Variants in PEX5L observed in about 807,000 individuals in gnomAD.
The protein encoded by PEX5L is PEX5-related protein.
In PEX5L, 30 loss-of-function variants were observed where a neutral mutation model predicts 84.0. The ratio of observed to expected loss-of-function variants is 0.36; its 90% CI spans 0.27 to 0.48. The LOEUF (loss-of-function observed/expected upper bound fraction) is 0.48, where lower values mean the gene tolerates loss of function less well. PEX5L is among the 20% of genes least tolerant of loss of function. PEX5L has a pLI of 0.99. For synonymous variants in PEX5L, 270 were observed against 283.1 expected (o/e 0.95, Z 0.46); for missense variants, 533 against 754.6 (o/e 0.71, Z 3.44).
intron 8 of PEX5L, among the ~76,000 whole-genome samples, chr3:179,828,814 G>A (rs1371648149): frequency 6.6e-6 from 1 of 152,098 alleles, no homozygotes; most frequent in Non-Finnish European, 1.5e-5. Context: ...AGGAATAAGA[G>A]TCTATGACAT....
intron 8 of PEX5L, among the ~76,000 whole-genome samples, chr3:179,849,008 G>T (rs374386260): frequency 1.3e-4 from 20 of 152,204 alleles, no homozygotes; most frequent in African/African-American, 4.6e-4. Context: ...AGGAACAGGG[G>T]ACCCTGGATA....
chr3:180,024,453 G>A (rs1579391982), intron 1 of PEX5L, among the ~76,000 whole-genome samples: 2 of 147,940 alleles, frequency 1.4e-5, no homozygotes, highest in South Asian at 2.2e-4. Context: ...GCTGAGGCAG[G>A]AGAATGGCGT....
chr3:179,852,681 GA>G (rs1354524884), intron 8 of PEX5L, among the ~76,000 whole-genome samples: 1 of 152,146 alleles, frequency 6.6e-6, no homozygotes, highest in Non-Finnish European at 1.5e-5. Context: ...TCTGATGACT[GA>G]ACTGTACTCT....
At chr3:179,833,744 G>C (rs1733959687) in intron 8 of PEX5L, among the ~76,000 whole-genome samples, 1 of 152,156 alleles carries the variant, frequency 6.6e-6, no homozygotes, top group South Asian at 2.1e-4. Context: ...TGAAGCAATA[G>C]GTGCCTGACT....
At chr3:179,965,222 G>T (rs1313061436) in intron 2 of PEX5L, among the ~76,000 whole-genome samples, 5 of 152,230 alleles carry the variant, frequency 3.3e-5, no homozygotes, top group African/African-American at 1.2e-4. Context: ...AAAATGTCAT[G>T]ATACCACAAC....
At chr3:179,980,658 G>A (rs1295370906) in intron 1 of PEX5L, among the ~76,000 whole-genome samples, 2 of 152,084 alleles carry the variant, frequency 1.3e-5, no homozygotes, top group Non-Finnish European at 2.9e-5. Flanking sequence ...ATACTCTTCT[G>A]AGCTACAAGA....
chr3:179,808,800 G>A (rs893507849), intron 12 of PEX5L, among the ~76,000 whole-genome samples: 4 of 152,010 alleles, frequency 2.6e-5, no homozygotes, highest in Non-Finnish European at 5.9e-5. Context: ...TTTCTAGGCC[G>A]GGCGTGGTGG....
At chr3:180,010,503 T>C (rs886207428) in intron 1 of PEX5L, among the ~76,000 whole-genome samples, 4 of 152,190 alleles carry the variant, frequency 2.6e-5, no homozygotes, top group African/African-American at 9.6e-5. Context: ...GTGCTGAGGT[T>C]GAGAAACCCT....
chr3:179,950,477 C>T (rs971697842), intron 2 of PEX5L, among the ~76,000 whole-genome samples: 2 of 151,930 alleles, frequency 1.3e-5, no homozygotes, highest in Non-Finnish European at 2.9e-5. Flanking sequence ...CAAACCTGCA[C>T]ATTGTGCACA....
chr3:179,954,213 GGGA>G, intron 2 of PEX5L, among the ~76,000 whole-genome samples: 1 of 103,746 alleles, frequency 9.6e-6, no homozygotes. Context: ...TCGGGGGGGG[GGGA>G]AAAAGTCAGC....
chr3:180,036,514 G>T, intron 1 of PEX5L, 65 bp downstream of exon 1: 3 of 1,487,578 alleles, frequency 2.0e-6, no homozygotes, highest in Non-Finnish European at 2.8e-6. Flanking sequence ...ACAGAAACTT[G>T]GTGAACCGCC....
chr3:179,939,472 AAG>A (rs1410174063), intron 2 of PEX5L, among the ~76,000 whole-genome samples: 1 of 152,204 alleles, frequency 6.6e-6, no homozygotes, highest in Non-Finnish European at 1.5e-5. Flanking sequence ...GAGGGTTCAG[AAG>A]AGAGGAAATA....
At chr3:179,939,038 A>G (rs1343347346) in intron 2 of PEX5L, among the ~76,000 whole-genome samples, 11 of 152,212 alleles carry the variant, frequency 7.2e-5, no homozygotes, top group Admixed American at 5.2e-4. Flanking sequence ...GGGCTGGGAA[A>G]AGACTGCATC....
At chr3:180,006,738 A>G (rs1254835725) in intron 1 of PEX5L, among the ~76,000 whole-genome samples, 3 of 152,238 alleles carry the variant, frequency 2.0e-5, no homozygotes, top group Non-Finnish European at 4.4e-5. Context: ...AGGAAGAAGC[A>G]AAAGCGGAAA....
intron 5 of PEX5L, among the ~76,000 whole-genome samples, chr3:179,876,150 G>T (rs1315012547): frequency 6.6e-6 from 1 of 152,120 alleles, no homozygotes; most frequent in Non-Finnish European, 1.5e-5. Flanking sequence ...ACAGGTGTGT[G>T]GCTGTGAATA....
chr3:179,886,794 T>C (rs564048387), intron 4 of PEX5L, among the ~76,000 whole-genome samples: 1 of 152,306 alleles, frequency 6.6e-6, no homozygotes, highest in Non-Finnish European at 1.5e-5. Context: ...ATAATGAAAA[T>C]ATGCAAGCCA....
intron 10 of PEX5L, among the ~76,000 whole-genome samples, chr3:179,812,590 T>C (rs920632322): frequency 1.3e-5 from 2 of 149,834 alleles, no homozygotes; most frequent in African/African-American, 5.1e-5. Context: ...TTGGTTGCAA[T>C]TGTTTGCTAT....
At chr3:180,009,018 G>A (rs1401442666) in intron 1 of PEX5L, among the ~76,000 whole-genome samples, 2 of 152,176 alleles carry the variant, frequency 1.3e-5, no homozygotes, top group Non-Finnish European at 2.9e-5. Flanking sequence ...TATAAACATA[G>A]TGTTGATGAA....
intron 9 of PEX5L, among the ~76,000 whole-genome samples, chr3:179,819,360 G>C (rs1033573231): frequency 2.6e-5 from 4 of 152,080 alleles, no homozygotes; most frequent in Non-Finnish European, 4.4e-5. Flanking sequence ...ATCCTCTTGG[G>C]ACTTTACCTG....
Sources: allele counts gnomAD v4.1 joint callset (sites outside exome capture counted in the v4.1 genomes callset), GRCh38; gene constraint gnomAD v4.1.1; transcripts MANE v1.5; gene names NCBI Gene and HGNC (gene_info 2026-07-23, HGNC 2026-07-21).